The following KCNMA1 variants were observed in gnomAD, a reference collection of about 807,000 sequenced individuals.
KCNMA1 encodes potassium calcium-activated channel subfamily M alpha 1.
Under a neutral mutation model 140.0 loss-of-function variants are expected in KCNMA1, and 29 were observed. That is an observed-to-expected ratio of 0.21 (90% CI 0.15 to 0.28). KCNMA1 has a LOEUF of 0.28. Ranked by LOEUF, KCNMA1 falls within the 10% of genes least tolerant of loss-of-function variation. The pLI is 1.00. For missense variants in KCNMA1, 880 were observed against 1,602.2 expected (o/e 0.55, Z 7.70); for synonymous variants, 612 against 611.9 (o/e 1.00, Z 0.00).
chr10:77,294,008 T>A (rs1299559838), intron 2 of KCNMA1, among the ~76,000 whole-genome samples: 2 of 152,256 alleles, frequency 1.3e-5, no homozygotes, highest in Non-Finnish European at 2.9e-5. Context: ...CTCTGCTAAA[T>A]GTGCTGCCTC....
chr10:77,321,165 T>G (rs921149239), intron 2 of KCNMA1, among the ~76,000 whole-genome samples: 1 of 152,236 alleles, frequency 6.6e-6, no homozygotes, highest in Non-Finnish European at 1.5e-5. Context: ...TATGCATTAC[T>G]CAGAGTGGAA....
At chr10:77,579,874 A>T (rs1276658852) in intron 1 of KCNMA1, among the ~76,000 whole-genome samples, 7 of 152,214 alleles carry the variant, frequency 4.6e-5, no homozygotes, top group Admixed American at 4.6e-4. Context: ...GCAGTGAGGC[A>T]GGTGTCCCCG....
chr10:77,224,454 A>G (rs2050674755), intron 3 of KCNMA1, among the ~76,000 whole-genome samples: 1 of 152,202 alleles, frequency 6.6e-6, no homozygotes, highest in Non-Finnish European at 1.5e-5. Flanking sequence ...TTTCTATGAC[A>G]GTCTTTACAC....
chr10:77,144,648 G>T (rs577610654), intron 5 of KCNMA1, among the ~76,000 whole-genome samples: 2 of 152,266 alleles, frequency 1.3e-5, no homozygotes, highest in African/African-American at 4.8e-5. Context: ...TGTCAACAGA[G>T]ATACTCAAAC....
rs1601304000 is a variant in KCNMA1 at position 77,286,449 on chromosome 10, C to G, written c.541-35193G>C. ...GAGTCTGTGTCATCCTATGCTGGGTCAGGCCACCACCTAAAATTACGCCAT... is the reference window on the plus strand; with the variant it reads ...GAGTCTGTGTCATCCTATGCTGGGTGAGGCCACCACCTAAAATTACGCCAT... On this transcript the variant is annotated intron_variant, in intron 2 of 27. Coordinates refer to ENST00000286628, the MANE Select transcript of KCNMA1 (RefSeq NM_001161352.2). Among the ~76,000 whole-genome samples the G allele has an allele frequency of 1.3e-5, 2 of 152,314 alleles. 1 individual carries two copies. Among genetic ancestry groups the G allele is most frequent in the Middle Eastern group, 6.8e-3 (2 of 292 alleles).
chr10:77,623,687 A>G (rs2091956948), intron 1 of KCNMA1, among the ~76,000 whole-genome samples: 1 of 151,732 alleles, frequency 6.6e-6, no homozygotes, highest in South Asian at 2.1e-4. Flanking sequence ...TGGACGACAG[A>G]CCAAGACTCC....
At chr10:77,101,121 G>A (rs1595949136) in intron 9 of KCNMA1, among the ~76,000 whole-genome samples, 1 of 152,028 alleles carries the variant, frequency 6.6e-6, no homozygotes, top group Non-Finnish European at 1.5e-5. Flanking sequence ...CTGAAGATAT[G>A]GCTTAGAGGA....
intron 2 of KCNMA1, among the ~76,000 whole-genome samples, chr10:77,319,052 G>A (rs1051778238): frequency 8.5e-5 from 13 of 152,218 alleles, no homozygotes; most frequent in South Asian, 4.2e-4. Flanking sequence ...TGGGCTCTGC[G>A]GAGAACATAC....
At chr10:77,359,918 C>T (rs1011945820) in intron 2 of KCNMA1, among the ~76,000 whole-genome samples, 8 of 152,056 alleles carry the variant, frequency 5.3e-5, no homozygotes, top group African/African-American at 1.2e-4. Flanking sequence ...AAAGAACAAA[C>T]GAATGCCAAG....
chr10:77,427,189 T>C (rs918316756), intron 1 of KCNMA1, among the ~76,000 whole-genome samples: 21 of 152,314 alleles, frequency 1.4e-4, no homozygotes, highest in Admixed American at 1.2e-3. Flanking sequence ...TGGTCACTTA[T>C]ATATTCCCCA....
chr10:77,463,936 C>T (rs2154525627), intron 1 of KCNMA1, among the ~76,000 whole-genome samples: 1 of 152,290 alleles, frequency 6.6e-6, no homozygotes, highest in East Asian at 1.9e-4. Flanking sequence ...TCTGGAGCCC[C>T]TTGCTATTCC....
chr10:77,485,162 C>G (rs556203044), intron 1 of KCNMA1, among the ~76,000 whole-genome samples: 1 of 152,204 alleles, frequency 6.6e-6, no homozygotes, highest in Non-Finnish European at 1.5e-5. Flanking sequence ...TCTGAATGAG[C>G]AACCCCCATC....
At chr10:77,415,573 A>T (rs2096722647) in intron 1 of KCNMA1, among the ~76,000 whole-genome samples, 1 of 152,278 alleles carries the variant, frequency 6.6e-6, no homozygotes, top group Non-Finnish European at 1.5e-5. Flanking sequence ...GATATGGATA[A>T]CCAAACACAC....
At chr10:77,559,081 G>A (rs925976760) in intron 1 of KCNMA1, among the ~76,000 whole-genome samples, 2 of 152,094 alleles carry the variant, frequency 1.3e-5, no homozygotes, top group Non-Finnish European at 2.9e-5. Context: ...CCCTGTCACT[G>A]GGCAACATGT....
intron 2 of KCNMA1, among the ~76,000 whole-genome samples, chr10:77,378,575 G>A (rs2095266652): frequency 6.6e-6 from 1 of 152,130 alleles, no homozygotes; most frequent in South Asian, 2.1e-4. Flanking sequence ...GTTTGCATTG[G>A]GTCTACAGCC....
At chr10:77,441,136 C>G (rs776982271) in intron 1 of KCNMA1, among the ~76,000 whole-genome samples, 2 of 152,048 alleles carry the variant, frequency 1.3e-5, no homozygotes, top group Non-Finnish European at 2.9e-5. Flanking sequence ...AATCAAAATT[C>G]AAAGGGCCAG....
At chr10:76,964,046 G>A (rs1341662313) in intron 20 of KCNMA1, among the ~76,000 whole-genome samples, 1 of 151,632 alleles carries the variant, frequency 6.6e-6, no homozygotes, top group Admixed American at 6.6e-5. Flanking sequence ...TACTTCCTGA[G>A]GCTTTGCAGA....
chr10:76,937,706 A>C (rs2152781536), intron 23 of KCNMA1, among the ~76,000 whole-genome samples: 1 of 152,330 alleles, frequency 6.6e-6, no homozygotes, highest in African/African-American at 2.4e-5. Flanking sequence ...AGGATAGGGA[A>C]GGTGTACCCT....
At chr10:77,373,590 G>A (rs35774) in intron 2 of KCNMA1, 123,397 of 152,158 alleles carry the variant, frequency 0.81, 50,236 homozygotes, top group Middle Eastern at 0.88. Flanking sequence ...GGTGAGGTTA[G>A]GAAAGCTGAA....
Sources: allele counts gnomAD v4.1 joint callset (sites outside exome capture counted in the v4.1 genomes callset), GRCh38; gene constraint gnomAD v4.1.1; transcripts MANE v1.5; gene names NCBI Gene and HGNC (gene_info 2026-07-23, HGNC 2026-07-21).